SLC10A7: variants seen among roughly 807,000 people sequenced by gnomAD.
SLC10A7 encodes solute carrier family 10 member 7.
In SLC10A7, 29 loss-of-function variants were observed where a neutral mutation model predicts 43.2. The ratio of observed to expected loss-of-function variants is 0.67; its 90% confidence interval spans 0.50 to 0.92. The LOEUF (loss-of-function observed/expected upper bound fraction) is 0.92, where lower values mean the gene tolerates loss of function less well. SLC10A7 is among the 40% of genes least tolerant of loss of function. The probability of loss-of-function intolerance (pLI) is 0.00; values close to 1 mark genes in which losing one functional copy is unlikely to be tolerated. For synonymous variants in SLC10A7, 152 were observed against 144.8 expected, an observed-to-expected ratio of 1.05 and a Z score of -0.35; for missense variants, 295 against 403.2, an observed-to-expected ratio of 0.73 and a Z score of 2.30.
chr4:146,354,151 C>T (rs1369871538), intron 5 of SLC10A7, among the ~76,000 whole-genome samples: 2 of 144,372 alleles, frequency 1.4e-5, no homozygotes, highest in Admixed American at 6.9e-5. Context: ...ATCATCTCCG[C>T]CCAAAATCTC....
chr4:146,475,483 T>C (rs1733939282), intron 4 of SLC10A7, among the ~76,000 whole-genome samples: 3 of 152,214 alleles, frequency 2.0e-5, no homozygotes, highest in Admixed American at 2.0e-4. Flanking sequence ...CATGAACTGA[T>C]CATTTTTGTT....
chr4:146,471,020 TA>T (rs1172019035), intron 4 of SLC10A7, among the ~76,000 whole-genome samples: 1 of 152,206 alleles, frequency 6.6e-6, no homozygotes, highest in African/African-American at 2.4e-5. Context: ...TTAGCTTAAA[TA>T]AACAAATGAT....
intron 5 of SLC10A7, among the ~76,000 whole-genome samples, chr4:146,420,392 G>C (rs192532909): frequency 4.6e-5 from 7 of 152,238 alleles, no homozygotes; most frequent in Non-Finnish European, 8.8e-5. Flanking sequence ...TATTCCAGAA[G>C]CTTTCATGAA....
intron 5 of SLC10A7, among the ~76,000 whole-genome samples, chr4:146,360,722 G>A (rs1689558827): frequency 6.6e-6 from 1 of 152,192 alleles, no homozygotes; most frequent in African/African-American, 2.4e-5. Context: ...CTCCCAAAAT[G>A]CTGGGATTAC....
At chr4:146,496,109 GT>G (rs1255065443) in intron 4 of SLC10A7, among the ~76,000 whole-genome samples, 2 of 152,026 alleles carry the variant, frequency 1.3e-5, no homozygotes, top group South Asian at 2.1e-4. Context: ...GGTACATTTT[GT>G]TTTTTTCTAC....
intron 6 of SLC10A7, among the ~76,000 whole-genome samples, chr4:146,320,610 G>A (rs569976927): frequency 2.6e-5 from 4 of 152,142 alleles, no homozygotes; most frequent in Admixed American, 2.6e-4. Flanking sequence ...AAAGTGGAGG[G>A]CAAGCTTGCT....
At chr4:146,264,081 C>T (rs939729452) in intron 10 of SLC10A7, among the ~76,000 whole-genome samples, 1 of 152,192 alleles carries the variant, frequency 6.6e-6, no homozygotes, top group African/African-American at 2.4e-5. Context: ...CTGACATCTG[C>T]CAAGTAGCAA....
chr4:146,401,989 T>C (rs758412367), intron 5 of SLC10A7, among the ~76,000 whole-genome samples: 15 of 152,166 alleles, frequency 9.9e-5, no homozygotes, highest in Non-Finnish European at 1.5e-4. Flanking sequence ...ATACCACCAC[T>C]ACAAAAAATG....
intron 5 of SLC10A7, among the ~76,000 whole-genome samples, chr4:146,433,163 CTT>C (rs760409464): frequency 1.2e-4 from 16 of 138,430 alleles, no homozygotes; most frequent in African/African-American, 1.3e-4. Flanking sequence ...TATTCTCTAG[CTT>C]TTTTTTTTTT....
chr4:146,410,196 A>C (rs1411254592), intron 5 of SLC10A7, among the ~76,000 whole-genome samples: 4 of 152,184 alleles, frequency 2.6e-5, no homozygotes, highest in African/African-American at 9.7e-5. Context: ...TTCTAACATT[A>C]GTATTAATAG....
chr4:146,283,417 G>C, intron 9 of SLC10A7, 152 bp from the exon 10 acceptor site: 1 of 633,080 alleles, frequency 1.6e-6, no homozygotes, highest in Non-Finnish European at 2.8e-6. Context: ...AGAAGTGTCT[G>C]GATTTCTTTT....
chr4:146,439,249 A>C (rs908220012), intron 5 of SLC10A7, among the ~76,000 whole-genome samples: 7 of 152,070 alleles, frequency 4.6e-5, no homozygotes, highest in African/African-American at 1.7e-4. Context: ...TTCTATAATA[A>C]TTAGTTCCTA....
chr4:146,468,653 G>A (rs766301621), intron 4 of SLC10A7, among the ~76,000 whole-genome samples: 1 of 151,618 alleles, frequency 6.6e-6, no homozygotes, highest in East Asian at 1.9e-4. Flanking sequence ...GTAGCGACAG[G>A]GTTTTACCAT....
intron 4 of SLC10A7, among the ~76,000 whole-genome samples, chr4:146,484,133 C>T (rs916296650): frequency 3.2e-4 from 48 of 152,166 alleles, no homozygotes; most frequent in African/African-American, 1.1e-3. Context: ...AGGAGGATTG[C>T]TTGAGGCCAG....
rs565786687 is a variant in SLC10A7, at chr4:146,469,533, A to T, written c.397-26712T>A. ...CATGTGATGAATTCCTACTGTGTAT[A>T]AAAAACAGTGAAATAATTTTCTTAT... On this transcript the variant is annotated intron_variant, in intron 4 of 11. Transcript: ENST00000335472. Among the ~76,000 whole-genome samples, 4 of 152,338 alleles carry T rather than the reference A, an allele frequency of 2.6e-5. No homozygotes were observed. In the South Asian group the frequency reaches 8.3e-4, roughly 32 times the overall value.
intron 5 of SLC10A7, among the ~76,000 whole-genome samples, chr4:146,337,884 T>C (rs763346418): frequency 6.6e-6 from 1 of 151,892 alleles, no homozygotes; most frequent in Non-Finnish European, 1.5e-5. Context: ...AGAAAATTAA[T>C]GTAAAATATA....
chr4:146,257,057 T>G, intron 11 of SLC10A7: 1 of 671,526 alleles, frequency 1.5e-6, no homozygotes. Flanking sequence ...TCACTCTGAT[T>G]AATTTGCTGT....
At chr4:146,470,635 T>A (rs916023754) in intron 4 of SLC10A7, among the ~76,000 whole-genome samples, 1 of 152,178 alleles carries the variant, frequency 6.6e-6, no homozygotes, top group African/African-American at 2.4e-5. Flanking sequence ...GAACACAGTT[T>A]TTCCTAGAGT....
chr4:146,472,441 T>G (rs1043248844), intron 4 of SLC10A7, among the ~76,000 whole-genome samples: 44 of 151,718 alleles, frequency 2.9e-4, no homozygotes, highest in Non-Finnish European at 1.6e-4. Context: ...ATTCTGTTTT[T>G]TTTTTTTTTT....
Sources: gnomAD v4.1 joint callset for allele counts (sites outside exome capture counted in the v4.1 genomes callset) on GRCh38, gnomAD v4.1.1 for gene constraint, MANE v1.5 for transcripts, NCBI Gene and HGNC (gene_info 2026-07-23, HGNC 2026-07-21) for gene names.